SLC10A7: variants seen among roughly 807,000 people sequenced by gnomAD.
SLC10A7 encodes solute carrier family 10 member 7.
In SLC10A7, 29 loss-of-function variants were observed where a neutral mutation model predicts 43.2. The ratio of observed to expected loss-of-function variants is 0.67; its 90% CI spans 0.50 to 0.92. SLC10A7 has a LOEUF of 0.92. SLC10A7 is among the 40% of genes least tolerant of loss of function. SLC10A7 has a pLI of 0.00. For synonymous variants in SLC10A7, 152 were observed against 144.8 expected (o/e 1.05, Z -0.35); for missense variants, 295 against 403.2 (o/e 0.73, Z 2.30).
At chr4:146,445,920 T>TGCGCACGC (rs1183786590) in intron 4 of SLC10A7, among the ~76,000 whole-genome samples, 3 of 147,864 alleles carry the variant, frequency 2.0e-5, no homozygotes, top group Admixed American at 6.7e-5. Flanking sequence ...TGTGTGCACG[T>TGCGCACGC]GCGCACGCGC....
chr4:146,339,085 T>G (rs1157469174), intron 5 of SLC10A7, among the ~76,000 whole-genome samples: 1 of 152,008 alleles, frequency 6.6e-6, no homozygotes, highest in Non-Finnish European at 1.5e-5. Context: ...GGGCTTCTTA[T>G]GTAGGCTCCT....
intron 5 of SLC10A7, among the ~76,000 whole-genome samples, chr4:146,353,072 C>A (rs1353300773): frequency 6.6e-6 from 1 of 151,504 alleles, no homozygotes; most frequent in East Asian, 2.0e-4. Flanking sequence ...AACAAAAAAC[C>A]CTTCAAAAAA....
At chr4:146,459,474 T>C (rs929724296) in intron 4 of SLC10A7, among the ~76,000 whole-genome samples, 1 of 151,830 alleles carries the variant, frequency 6.6e-6, no homozygotes, top group Non-Finnish European at 1.5e-5. Context: ...TAAGGACAGA[T>C]ATACGGATCA....
intron 6 of SLC10A7, among the ~76,000 whole-genome samples, chr4:146,324,077 C>T (rs1184791317): frequency 6.6e-6 from 1 of 152,084 alleles, no homozygotes; most frequent in African/African-American, 2.4e-5. Flanking sequence ...TTCACAATTG[C>T]TTCAAAGAGA....
chr4:146,354,113 C>A (rs995347242), intron 5 of SLC10A7, among the ~76,000 whole-genome samples: 10 of 147,904 alleles, frequency 6.8e-5, no homozygotes, highest in African/African-American at 2.0e-4. Flanking sequence ...TGTTTGCAGA[C>A]GACATGATTG....
chr4:146,486,270 T>C (rs758663965), intron 4 of SLC10A7, among the ~76,000 whole-genome samples: 1 of 152,208 alleles, frequency 6.6e-6, no homozygotes, highest in Non-Finnish European at 1.5e-5. Flanking sequence ...GACTTTCCAA[T>C]TATAATTTTT....
In SLC10A7 at chr4:146,254,064, A is replaced by T. The variant is rs144909478; in HGVS notation, c.*2427T>A. The T allele has an allele frequency of 6.6e-6, 1 of 152,296 alleles. No homozygotes were observed. The highest frequency in any genetic ancestry group is 2.4e-5 in the African/African-American group (1 of 41,568). The allele number at this position is 152,296 out of a possible 1,614,324, so 9.4% of individuals were successfully genotyped here. The stretch of plus-strand genomic sequence containing the variant: ...CATAAATAATCCACTTTATGACTTA[A>T]CCAATCCTTTTGAAAAAATTTGGTA... On this transcript the variant is annotated 3_prime_UTR_variant, in exon 12 of 12. Coordinates refer to ENST00000335472, the MANE Select transcript of SLC10A7 (RefSeq NM_001029998.6).
chr4:146,450,284 C>T (rs1299836933), intron 4 of SLC10A7, among the ~76,000 whole-genome samples: 4 of 152,080 alleles, frequency 2.6e-5, no homozygotes, highest in Non-Finnish European at 5.9e-5. Flanking sequence ...CAGTGTACAA[C>T]TTCTTACACA....
intron 7 of SLC10A7, among the ~76,000 whole-genome samples, chr4:146,301,501 A>G (rs1466375115): frequency 6.6e-6 from 1 of 152,122 alleles, no homozygotes; most frequent in African/African-American, 2.4e-5. Flanking sequence ...ATATGAATTG[A>G]TTTGTGTTTT....
At chr4:146,344,384 C>T (rs1427055013) in intron 5 of SLC10A7, among the ~76,000 whole-genome samples, 3 of 152,008 alleles carry the variant, frequency 2.0e-5, no homozygotes, top group Admixed American at 6.6e-5. Flanking sequence ...ACGGAAGAAG[C>T]GGTGAAAAGC....
intron 2 of SLC10A7, among the ~76,000 whole-genome samples, chr4:146,512,065 C>T (rs1452990374): frequency 6.7e-6 from 1 of 149,722 alleles, no homozygotes; most frequent in Non-Finnish European, 1.5e-5. Context: ...CCACTGCCTC[C>T]TGAGTTCAAG....
intron 5 of SLC10A7, among the ~76,000 whole-genome samples, chr4:146,376,857 C>T (rs932087273): frequency 3.3e-5 from 5 of 152,066 alleles, no homozygotes; most frequent in African/African-American, 4.8e-5. Flanking sequence ...TTGGCTGGAA[C>T]GGGACCTCAC....
rs151306089 is a variant in SLC10A7, at chr4:146,451,952, G to A, written c.397-9131C>T. On this transcript the variant is annotated intron_variant, in intron 4 of 11. Transcript: ENST00000335472. The stretch of plus-strand genomic sequence containing the variant: ...ATAGCCACTCTAATGTCACTGAGCC[G>A]CAGAATAAACGCCAGCAGCCTCTAC... 3.2e-3 allele frequency among the ~76,000 whole-genome samples: 488 copies of A among 152,100 alleles called. 3 individuals are homozygous for A. The highest frequency in any genetic ancestry group is 0.011 in the African/African-American group (448 of 41,514).
chr4:146,436,193 T>A (rs1480693996), intron 5 of SLC10A7, among the ~76,000 whole-genome samples: 1 of 152,172 alleles, frequency 6.6e-6, no homozygotes, highest in African/African-American at 2.4e-5. Flanking sequence ...TGCATTTACT[T>A]GCTACACAAG....
intron 5 of SLC10A7, among the ~76,000 whole-genome samples, chr4:146,365,842 C>G (rs114764888): frequency 0.022 from 3,329 of 152,296 alleles, 114 homozygotes; most frequent in African/African-American, 0.076. Flanking sequence ...AAGCCCTGGG[C>G]AGTGGACCAA....
intron 5 of SLC10A7, among the ~76,000 whole-genome samples, chr4:146,423,658 G>GTC (rs1313161434): frequency 9.2e-5 from 14 of 152,308 alleles, no homozygotes; most frequent in African/African-American, 3.4e-4. Context: ...CAACAGTGAA[G>GTC]AGCTTAGGTT....
At chr4:146,431,598 A>G (rs1729783984) in intron 5 of SLC10A7, among the ~76,000 whole-genome samples, 1 of 152,266 alleles carries the variant, frequency 6.6e-6, no homozygotes, top group East Asian at 1.9e-4. Flanking sequence ...GAACCACACG[A>G]AAAGTAATGA....
chr4:146,407,531 C>T (rs927395618), intron 5 of SLC10A7, among the ~76,000 whole-genome samples: 3 of 152,172 alleles, frequency 2.0e-5, no homozygotes, highest in South Asian at 2.1e-4. Flanking sequence ...ACAACCATTT[C>T]CCCCACATTC....
intron 7 of SLC10A7, among the ~76,000 whole-genome samples, chr4:146,305,355 C>T (rs2149680831): frequency 6.7e-6 from 1 of 148,180 alleles, no homozygotes; most frequent in Admixed American, 6.9e-5. Flanking sequence ...TATTCTCACT[C>T]ATAGGTGGGA....
Sources: allele counts gnomAD v4.1 joint callset (sites outside exome capture counted in the v4.1 genomes callset), GRCh38; gene constraint gnomAD v4.1.1; transcripts MANE v1.5; gene names NCBI Gene and HGNC (gene_info 2026-07-23, HGNC 2026-07-21).